LGR4: variants seen among roughly 807,000 people sequenced by gnomAD.
The protein encoded by LGR4 is leucine-rich repeat-containing G protein-coupled receptor 4.
In LGR4, 44 loss-of-function variants were observed where a neutral mutation model predicts 84.8. The ratio of observed to expected loss-of-function variants is 0.52; its 90% confidence interval spans 0.41 to 0.67. The LOEUF (loss-of-function observed/expected upper bound fraction) is 0.67, where lower values mean the gene tolerates loss of function less well. Ranked by LOEUF, LGR4 falls within the 30% of genes least tolerant of loss-of-function variation. The probability of loss-of-function intolerance (pLI) is 0.00; values close to 1 mark genes in which losing one functional copy is unlikely to be tolerated. For missense variants in LGR4, 1,032 were observed against 1,131.4 expected (o/e 0.91, Z 1.26); for synonymous variants, 429 against 434.3 (o/e 0.99, Z 0.15).
intron 10 of LGR4, among the ~76,000 whole-genome samples, 158 bp downstream of exon 10, chr11:27,380,113 C>A (rs1257802046): frequency 6.6e-6 from 1 of 152,174 alleles, no homozygotes; most frequent in African/African-American, 2.4e-5. Context: ...AGCTCACTGA[C>A]CCCATACCCA....
At chr11:27,395,341 T>C (rs1176558284) in intron 2 of LGR4, among the ~76,000 whole-genome samples, 1 of 151,574 alleles carries the variant, frequency 6.6e-6, no homozygotes, top group Non-Finnish European at 1.5e-5. Context: ...TTCAGCCTAT[T>C]GTGCTGGGCT....
At chr11:27,412,492 C>T (rs1165987781) in intron 2 of LGR4, among the ~76,000 whole-genome samples, 1 of 152,110 alleles carries the variant, frequency 6.6e-6, no homozygotes, top group African/African-American at 2.4e-5. Flanking sequence ...CTCAGAATAA[C>T]ACTGTAATTA....
intron 1 of LGR4, among the ~76,000 whole-genome samples, chr11:27,428,098 G>T (rs1339551162): frequency 2.0e-5 from 3 of 151,366 alleles, no homozygotes; most frequent in African/African-American, 7.3e-5. Flanking sequence ...GACTTATTTT[G>T]CATTTTATCT....
chr11:27,446,354 C>T (rs1318623541), intron 1 of LGR4, among the ~76,000 whole-genome samples: 1 of 152,064 alleles, frequency 6.6e-6, no homozygotes, highest in African/African-American at 2.4e-5. Context: ...ATGCAACAAC[C>T]CCATCAAAAA....
At chr11:27,392,106 T>C (rs1370497576) in intron 3 of LGR4, among the ~76,000 whole-genome samples, 1 of 152,142 alleles carries the variant, frequency 6.6e-6, no homozygotes, top group Non-Finnish European at 1.5e-5. Context: ...TAGAGTCAGG[T>C]AATTCAAAGT....
chr11:27,370,679 T>G (rs1862865393), intron 17 of LGR4, among the ~76,000 whole-genome samples: 2 of 152,188 alleles, frequency 1.3e-5, no homozygotes, highest in African/African-American at 4.8e-5. Flanking sequence ...AAGTTTACAT[T>G]TGGGGTGGAA....
intron 2 of LGR4, among the ~76,000 whole-genome samples, chr11:27,411,231 T>C (rs1863705316): frequency 6.6e-6 from 1 of 152,040 alleles, no homozygotes; most frequent in African/African-American, 2.4e-5. Context: ...TAGTCTAAAA[T>C]TGTATGTGAA....
At chr11:27,377,510 T>G (rs1465256619) in intron 11 of LGR4, among the ~76,000 whole-genome samples, 1 of 151,532 alleles carries the variant, frequency 6.6e-6, no homozygotes, top group Admixed American at 6.6e-5. Flanking sequence ...AACATAAATA[T>G]ATAAAATTAA....
At chr11:27,439,432 G>T (rs1864263723) in intron 1 of LGR4, among the ~76,000 whole-genome samples, 1 of 152,160 alleles carries the variant, frequency 6.6e-6, no homozygotes, top group Admixed American at 6.5e-5. Flanking sequence ...ATATTCTATT[G>T]TATGTGTGTA....
Position 27,472,306 on chromosome 11 carries a change from T to C in LGR4, c.-4A>G. The C allele has an allele frequency of 8.3e-7, 1 of 1,200,416 alleles. No homozygotes were observed. Among genetic ancestry groups the C allele is most frequent in the Non-Finnish European group, 1.0e-6 (1 of 968,300 alleles). 74.4% of individuals were successfully genotyped at this position (1,200,416 alleles called of 1,614,324 possible). On this transcript the variant is annotated 5_prime_UTR_variant, in exon 1 of 18. Coordinates refer to ENST00000379214, the MANE Select transcript of LGR4 (RefSeq NM_018490.5). ...GCAGCCCTAGCGGGCCCGGCATTGC[T>C]GCGGCCGCCTCCCGCGCCGGCCTCT...
At chr11:27,424,939 G>T (rs1053638955) in intron 1 of LGR4, among the ~76,000 whole-genome samples, 1 of 152,066 alleles carries the variant, frequency 6.6e-6, no homozygotes, top group Non-Finnish European at 1.5e-5. Context: ...GTAGAGACGG[G>T]GTTTCACCAT....
intron 2 of LGR4, among the ~76,000 whole-genome samples, chr11:27,399,636 C>T (rs1863460486): frequency 6.6e-6 from 1 of 151,992 alleles, no homozygotes; most frequent in South Asian, 2.1e-4. Context: ...TCTCCTGCCT[C>T]AGCCTTTGGA....
chr11:27,463,505 G>A (rs1027867350), intron 1 of LGR4, among the ~76,000 whole-genome samples: 2 of 152,130 alleles, frequency 1.3e-5, no homozygotes, highest in Non-Finnish European at 2.9e-5. Context: ...ATGACACTTG[G>A]CTGGGCGTGG....
At chr11:27,441,735 A>C (rs1391381253) in intron 1 of LGR4, among the ~76,000 whole-genome samples, 1 of 152,160 alleles carries the variant, frequency 6.6e-6, no homozygotes, top group Non-Finnish European at 1.5e-5. Flanking sequence ...AAAAGGCTGA[A>C]GTGGAGTTGA....
At chr11:27,389,587 C>A (rs994543177) in intron 4 of LGR4, among the ~76,000 whole-genome samples, 1 of 152,052 alleles carries the variant, frequency 6.6e-6, no homozygotes, top group South Asian at 2.1e-4. Flanking sequence ...AGATTTTAGT[C>A]TTCTCTTTAT....
chr11:27,380,267 T>G lies in LGR4; in HGVS notation c.971+4A>C, dbSNP rs759161541. On this transcript the variant is annotated splice_donor_region_variant and intron_variant, in intron 10 of 17. Coordinates refer to ENST00000379214, the MANE Select transcript of LGR4 (RefSeq NM_018490.5). ...ACAACCCCTCTTCAAAGGGCCTTAC[T>G]TACAGACTTTCCAGGTGGACAGTTC... is the stretch of plus-strand genomic sequence containing the variant. 1.2e-6 allele frequency: 2 copies of G among 1,600,172 alleles called. No individual in the cohort carries two copies. Among genetic ancestry groups the G allele is most frequent in the African/African-American group, 2.7e-5 (2 of 74,510 alleles).
intron 1 of LGR4, among the ~76,000 whole-genome samples, chr11:27,456,944 T>C (rs1280998184): frequency 2.6e-5 from 4 of 152,196 alleles, no homozygotes; most frequent in African/African-American, 7.2e-5. Flanking sequence ...TTTTCTGTTC[T>C]GATTTTTTTT....
intron 2 of LGR4, among the ~76,000 whole-genome samples, chr11:27,400,976 T>C (rs1656307893): frequency 6.6e-6 from 1 of 152,222 alleles, no homozygotes; most frequent in Non-Finnish European, 1.5e-5. Flanking sequence ...CAACTAATGA[T>C]GTACTACCCC....
chr11:27,455,789 T>A (rs1320444612), intron 1 of LGR4, among the ~76,000 whole-genome samples: 1 of 152,166 alleles, frequency 6.6e-6, no homozygotes, highest in Non-Finnish European at 1.5e-5. Flanking sequence ...CAAATAACCC[T>A]AGTCTATAAA....
Sources: gnomAD v4.1 joint callset for allele counts (sites outside exome capture counted in the v4.1 genomes callset) on GRCh38, gnomAD v4.1.1 for gene constraint, MANE v1.5 for transcripts, NCBI Gene and HGNC (gene_info 2026-07-23, HGNC 2026-07-21) for gene names.